The following ZNF423 variants were observed in gnomAD, a reference collection of about 807,000 sequenced individuals.
ZNF423 encodes the protein Ebf-associated zinc finger protein.
Under a neutral mutation model 95.8 loss-of-function variants are expected in ZNF423, and 12 were observed. The ratio of observed to expected loss-of-function variants is 0.13; its 90% CI spans 0.08 to 0.20. The LOEUF (loss-of-function observed/expected upper bound fraction) is 0.20, where lower values mean the gene tolerates loss of function less well. Ranked by LOEUF, ZNF423 falls within the 10% of genes least tolerant of loss-of-function variation. The pLI is 1.00. For missense variants in ZNF423, 1,316 were observed against 1,737.1 expected (o/e 0.76, Z 4.31); for synonymous variants, 749 against 711.9 (o/e 1.05, Z -0.83).
intron 3 of ZNF423, among the ~76,000 whole-genome samples, chr16:49,645,074 T>C (rs1288713534): frequency 6.6e-6 from 1 of 152,202 alleles, no homozygotes; most frequent in African/African-American, 2.4e-5. Context: ...AAAATGGCCT[T>C]ACAGTGCTTC....
intron 1 of ZNF423, chr16:49,854,020 G>A (rs1382752451): frequency 3.0e-6 from 3 of 985,298 alleles, no homozygotes; most frequent in Non-Finnish European, 3.6e-6. Context: ...GCCAGGGAAA[G>A]AGAAAAGAAA....
At chr16:49,679,398 C>G (rs1408490337) in intron 3 of ZNF423, among the ~76,000 whole-genome samples, 1 of 152,252 alleles carries the variant, frequency 6.6e-6, no homozygotes, top group Non-Finnish European at 1.5e-5. Flanking sequence ...GGAGGCCCCC[C>G]TCTCCTGTCC....
chr16:49,523,389 T>G lies in ZNF423; in HGVS notation c.3849+235A>C, dbSNP rs1433379542. On this transcript the variant is annotated intron_variant, in intron 7 of 7. Coordinates refer to ENST00000563137, the MANE Select transcript of ZNF423 (RefSeq NM_001379286.1). The stretch of plus-strand genomic sequence containing the variant: ...GACTTGCCACGAAACACCTCAAATG[T>G]AAGCTTCTGACTCCTGCTCTGGGCT... Among the ~76,000 whole-genome samples, 5 of 152,250 alleles carry G rather than the reference T, an allele frequency of 3.3e-5. No homozygotes were observed. The South Asian group carries it at 1.0e-3, about 32-fold the overall frequency.
chr16:49,643,443 G>T (rs8058337), intron 3 of ZNF423, among the ~76,000 whole-genome samples: 31,543 of 151,908 alleles, frequency 0.21, 3,418 homozygotes, highest in Admixed American at 0.25. Flanking sequence ...AGGGCACAGA[G>T]CGACTGAGTG....
At chr16:49,738,774 C>T (rs1288721042) in intron 2 of ZNF423, among the ~76,000 whole-genome samples, 2 of 151,964 alleles carry the variant, frequency 1.3e-5, no homozygotes, top group East Asian at 3.9e-4. Flanking sequence ...GAAAGGCTTC[C>T]CCACCTCTCA....
At chr16:49,518,578 TC>T in intron 7 of ZNF423, 1 of 422,144 alleles carries the variant, frequency 2.4e-6, no homozygotes, top group Non-Finnish European at 4.6e-6. Flanking sequence ...ACTCAGATGT[TC>T]CATTGCAAAA....
At chr16:49,592,947 CGTGCG>C (rs1470664787) in intron 5 of ZNF423, among the ~76,000 whole-genome samples, 2 of 152,198 alleles carry the variant, frequency 1.3e-5, no homozygotes, top group East Asian at 3.9e-4. Context: ...AGACAGCTTT[CGTGCG>C]GTTGTGGGTC....
intron 3 of ZNF423, among the ~76,000 whole-genome samples, chr16:49,641,744 G>A (rs1271821797): frequency 6.6e-6 from 1 of 152,232 alleles, no homozygotes; most frequent in Non-Finnish European, 1.5e-5. Context: ...GAGTGGATGA[G>A]AAAAACTAAT....
intron 5 of ZNF423, among the ~76,000 whole-genome samples, chr16:49,609,871 C>T (rs1423648084): frequency 1.3e-5 from 2 of 152,148 alleles, no homozygotes; most frequent in African/African-American, 4.8e-5. Flanking sequence ...AGGAAATCCA[C>T]ACCAAGACAA....
At chr16:49,857,327 C>T (rs1003121881), upstream of ZNF423, among the ~76,000 whole-genome samples, 13 of 149,760 alleles carry the variant, frequency 8.7e-5, no homozygotes, top group Non-Finnish European at 1.6e-4. The surrounding 1 kb of genome is among the most constrained non-coding windows in gnomAD (Gnocchi z 6.2). Flanking sequence ...GCGGCGGCGG[C>T]AGGCACGGCG....
chr16:49,743,797 G>A (rs957199575), intron 2 of ZNF423, among the ~76,000 whole-genome samples: 37 of 152,124 alleles, frequency 2.4e-4, no homozygotes, highest in Non-Finnish European at 4.1e-4. Flanking sequence ...TCCAGTCGCA[G>A]TGCAGAGGCT....
intron 5 of ZNF423, among the ~76,000 whole-genome samples, chr16:49,600,958 G>A (rs765705920): frequency 9.9e-5 from 15 of 152,078 alleles, no homozygotes; most frequent in Non-Finnish European, 2.1e-4. Context: ...ATGCATCATC[G>A]GAGAATTTCT....
At chr16:49,699,900 G>GTCTC (rs2032110228) in intron 3 of ZNF423, among the ~76,000 whole-genome samples, 1 of 152,098 alleles carries the variant, frequency 6.6e-6, no homozygotes, top group Non-Finnish European at 1.5e-5. Context: ...AGAGGGAGGA[G>GTCTC]GACAGAAAAA....
chr16:49,601,773 T>C (rs1385583432), intron 5 of ZNF423, among the ~76,000 whole-genome samples: 1 of 152,212 alleles, frequency 6.6e-6, no homozygotes, highest in Non-Finnish European at 1.5e-5. Flanking sequence ...CAGGCGGTGC[T>C]CAGGAACACA....
chr16:49,706,396 C>T (rs561488186), intron 3 of ZNF423, among the ~76,000 whole-genome samples: 11 of 152,352 alleles, frequency 7.2e-5, no homozygotes, highest in Admixed American at 3.9e-4. Flanking sequence ...CAGACAGACA[C>T]GCTGGAAGAA....
intron 2 of ZNF423, among the ~76,000 whole-genome samples, chr16:49,737,332 C>T (rs758901904): frequency 2.0e-5 from 3 of 151,830 alleles, no homozygotes; most frequent in Non-Finnish European, 4.4e-5. Context: ...TGCAATGGTG[C>T]AATCTCAGCT....
chr16:49,664,648 G>A (rs1190160432), intron 3 of ZNF423, among the ~76,000 whole-genome samples: 1 of 120,460 alleles, frequency 8.3e-6, no homozygotes, highest in Non-Finnish European at 1.7e-5. Context: ...TGGGGGGACG[G>A]CCCCTGGGAG....
intron 7 of ZNF423, among the ~76,000 whole-genome samples, chr16:49,519,866 C>T (rs1317166604): frequency 6.6e-6 from 1 of 152,168 alleles, no homozygotes; most frequent in Non-Finnish European, 1.5e-5. Flanking sequence ...CACTGTGCTT[C>T]AGCTGCACTC....
intron 5 of ZNF423, among the ~76,000 whole-genome samples, chr16:49,544,014 C>T (rs1426432414): frequency 3.3e-5 from 5 of 152,226 alleles, no homozygotes; most frequent in Non-Finnish European, 5.9e-5. Context: ...GTTAAATTAA[C>T]ACCGTCATTA....
Sources: allele counts gnomAD v4.1 joint callset (sites outside exome capture counted in the v4.1 genomes callset), GRCh38; gene constraint gnomAD v4.1.1; non-coding constraint Gnocchi (gnomAD v3.1); transcripts MANE v1.5; gene names NCBI Gene and HGNC (gene_info 2026-07-23, HGNC 2026-07-21).